Variants in TRMO observed in about 807,000 individuals in gnomAD.
TRMO encodes tRNA (adenine(37)-N6)-methyltransferase.
In TRMO, 30 loss-of-function variants were observed where a neutral mutation model predicts 37.2. The observed-to-expected ratio is 0.81, with a 90% CI of 0.60 to 1.09. The LOEUF is 1.09. Ranked by LOEUF, TRMO falls within the 50% of genes least tolerant of loss-of-function variation. The pLI, the probability that TRMO is intolerant of heterozygous loss-of-function variation, is 0.00. For missense variants in TRMO, 552 were observed against 549.5 expected, an observed-to-expected ratio of 1.00 and a Z score of -0.05; for synonymous variants, 239 against 199.4, an observed-to-expected ratio of 1.20 and a Z score of -1.67.
intron 1 of TRMO, among the ~76,000 whole-genome samples, chr9:97,922,010 T>G (rs1232697086): frequency 6.6e-6 from 1 of 152,128 alleles, no homozygotes; most frequent in South Asian, 2.1e-4. Flanking sequence ...AAAACTATTT[T>G]CTCCCCCAGA....
At chr9:97,909,895 C>A in intron 4 of TRMO, 65 bp downstream of exon 4, 4 of 1,281,278 alleles carry the variant, frequency 3.1e-6, no homozygotes, top group Non-Finnish European at 4.3e-6. Context: ...TTCACAAATA[C>A]CAAACTTGGC....
At chr9:97,899,133 C>T in the TRMO span, among the ~76,000 whole-genome samples, 2 of 151,960 alleles carry the variant, frequency 1.3e-5, no homozygotes, top group Non-Finnish European at 2.9e-5. Context: ...CCACCGCACC[C>T]GGCCTATTTT....
intron 1 of TRMO, among the ~76,000 whole-genome samples, 199 bp from the exon 2 acceptor site, chr9:97,916,537 C>T (rs1826371397): frequency 6.6e-6 from 1 of 152,046 alleles, no homozygotes; most frequent in African/African-American, 2.4e-5. Context: ...TACATCATTA[C>T]ATACATAGTA....
At position 97,913,449 on chromosome 9, in the gene TRMO, G is replaced by A. The variant is rs765666808; in HGVS notation, c.361C>T (p.Arg121Cys). 1.1e-5 allele frequency: 17 copies of A among 1,613,788 alleles called. No homozygotes were observed. The highest frequency in any genetic ancestry group is 1.7e-5 in the Admixed American group (1 of 59,984). The stretch of plus-strand genomic sequence containing the variant: ...AGGGTCAGTCCTATTGCATTGGGAC[G>A]ATGAGGGCTCCTTGTGGAAAAAACT... ...TGVFSTRSPH[R>C]PNAIGLTLAK... Residue 121 changes from arginine to cysteine, a missense_variant, in exon 3 of 5, where the codon CGT becomes TGT. Physicochemically the swap from Arg to Cys is radical, Grantham distance 180 (BLOSUM62 -3). Coordinates refer to ENST00000375119, the MANE Select transcript of TRMO (RefSeq NM_016481.5).
chr9:97,922,287 G>T (rs888685384), intron 1 of TRMO, 131 bp downstream of exon 1: 3 of 662,020 alleles, frequency 4.5e-6, no homozygotes, highest in Admixed American at 2.7e-5. Flanking sequence ...CGTGACCCGT[G>T]CCTTCGCCGT....
At chr9:97,922,097 T>C (rs372235860) in intron 1 of TRMO, among the ~76,000 whole-genome samples, 1 of 152,146 alleles carries the variant, frequency 6.6e-6, no homozygotes, top group African/African-American at 2.4e-5. Flanking sequence ...CTAACCCGCC[T>C]AACACCATCT....
intron 3 of TRMO, chr9:97,910,834 G>T: frequency 1.6e-6 from 1 of 613,236 alleles, no homozygotes; most frequent in Non-Finnish European, 2.9e-6. Flanking sequence ...GCCCTCAAAA[G>T]CACACCTTTT....
At chr9:97,920,865 A>T (rs1826594525) in intron 1 of TRMO, among the ~76,000 whole-genome samples, 1 of 152,196 alleles carries the variant, frequency 6.6e-6, no homozygotes, top group African/African-American at 2.4e-5. Context: ...TTTAACTTTA[A>T]ACTTTTCATA....
intron 1 of TRMO, among the ~76,000 whole-genome samples, chr9:97,919,049 ATAC>A (rs1826497405): frequency 2.0e-5 from 3 of 152,320 alleles, no homozygotes; most frequent in Admixed American, 2.0e-4. Context: ...AGATCCATAC[ATAC>A]TCTGTATGTT....
At chr9:97,898,838 C>CTTTTTTTTTTTTTT in the TRMO span, among the ~76,000 whole-genome samples, 5 of 89,054 alleles carry the variant, frequency 5.6e-5, 1 homozygote, top group African/African-American at 1.6e-4. Context: ...TATATATATA[C>CTTTTTTTTTTTTTT]TTTTTTTTTT....
chr9:97,909,823 ATATT>A, intron 4 of TRMO, 133 bp downstream of exon 4: 1 of 628,768 alleles, frequency 1.6e-6, no homozygotes, highest in Non-Finnish European at 2.7e-6. Flanking sequence ...TACTGCAAAA[ATATT>A]ATTTTATACC....
downstream of TRMO, among the ~76,000 whole-genome samples, chr9:97,903,567 T>A (rs577771756): frequency 1.3e-5 from 2 of 152,352 alleles, no homozygotes; most frequent in South Asian, 4.1e-4. Flanking sequence ...TGGGAGCACA[T>A]CATTAAAATC....
intron 1 of TRMO, among the ~76,000 whole-genome samples, chr9:97,916,771 T>A (rs1036781342): frequency 2.7e-5 from 4 of 149,232 alleles, no homozygotes; most frequent in Middle Eastern, 3.2e-3. Context: ...AGTGGCCCGA[T>A]CTCGGCTCAC....
At chr9:97,915,404 A>C (rs1826309934) in intron 2 of TRMO, among the ~76,000 whole-genome samples, 1 of 152,246 alleles carries the variant, frequency 6.6e-6, no homozygotes, top group Non-Finnish European at 1.5e-5. Flanking sequence ...TATAGCACGA[A>C]AGCAGCCACA....
At chr9:97,907,107 A>G (rs934789488) in intron 4 of TRMO, among the ~76,000 whole-genome samples, 7 of 152,258 alleles carry the variant, frequency 4.6e-5, no homozygotes, top group African/African-American at 1.7e-4. Context: ...GTTTAAAAGT[A>G]AAGCCTTAGG....
chr9:97,912,876 A>T (rs956447207), intron 3 of TRMO: 1 of 1,288,216 alleles, frequency 7.8e-7, no homozygotes, highest in Admixed American at 2.3e-5. Flanking sequence ...CTACAACCTG[A>T]CCAATGTTTG....
downstream of TRMO, chr9:97,904,413 C>A (rs977733645): frequency 4.1e-6 from 4 of 974,184 alleles, no homozygotes; most frequent in Non-Finnish European, 3.8e-6. Flanking sequence ...ACTAGAAAGT[C>A]TCTGCTGGAA....
rs1424255034 is a variant in TRMO, at chr9:97,904,710, C to G, written c.*23G>C. 6.2e-7 allele frequency: 1 copy of G among 1,611,692 alleles called. No individual in the cohort carries two copies. Among genetic ancestry groups the G allele is most frequent in the South Asian group, 1.1e-5 (1 of 90,972 alleles). ...CACATCCAAAGATCAATGATGCTAC[C>G]TTAAAGACATGAGGGAGGCTCCTTA... On this transcript the variant is annotated 3_prime_UTR_variant, in exon 5 of 5. Coordinates refer to ENST00000375119, the MANE Select transcript of TRMO (RefSeq NM_016481.5).
chr9:97,900,153 C>G (rs542092549), downstream of TRMO, among the ~76,000 whole-genome samples: 1 of 152,228 alleles, frequency 6.6e-6, no homozygotes, highest in South Asian at 2.1e-4. Flanking sequence ...GCCAGGTAAG[C>G]CAGAACAGAG....
Sources: allele counts gnomAD v4.1 joint callset (sites outside exome capture counted in the v4.1 genomes callset), GRCh38; gene constraint gnomAD v4.1.1; transcripts MANE v1.5; gene names NCBI Gene and HGNC (gene_info 2026-07-23, HGNC 2026-07-21).